VAV3: variants seen among roughly 807,000 people sequenced by gnomAD.
VAV3 encodes the protein guanine nucleotide exchange factor VAV3.
In VAV3, 94 loss-of-function variants were observed where a neutral mutation model predicts 131.2. The ratio of observed to expected loss-of-function variants is 0.72; its 90% CI spans 0.61 to 0.85. VAV3 has a LOEUF of 0.85. Ranked by LOEUF, VAV3 falls within the 40% of genes least tolerant of loss-of-function variation. The probability of loss-of-function intolerance (pLI) is 0.00; values close to 1 mark genes in which losing one functional copy is unlikely to be tolerated. For synonymous variants in VAV3, 349 were observed against 342.0 expected (o/e 1.02, Z -0.22); for missense variants, 939 against 1,002.7 (o/e 0.94, Z 0.86).
At chr1:107,623,654 T>C (rs893186800) in intron 20 of VAV3, among the ~76,000 whole-genome samples, 1 of 152,222 alleles carries the variant, frequency 6.6e-6, no homozygotes, top group African/African-American at 2.4e-5. Flanking sequence ...AGTGAACACT[T>C]TGAAAACTTG....
At chr1:107,960,434 C>T (rs1019774156) in intron 1 of VAV3, among the ~76,000 whole-genome samples, 4 of 151,654 alleles carry the variant, frequency 2.6e-5, no homozygotes, top group African/African-American at 9.7e-5. Flanking sequence ...CCACTGCACG[C>T]CAACTTGGGC....
At chr1:107,637,552 G>A (rs1655025112) in intron 20 of VAV3, among the ~76,000 whole-genome samples, 1 of 152,092 alleles carries the variant, frequency 6.6e-6, no homozygotes, top group South Asian at 2.1e-4. Flanking sequence ...GAACCTAGGA[G>A]GCAGAGGCTG....
At chr1:107,644,846 G>T (rs1316943729) in intron 19 of VAV3, among the ~76,000 whole-genome samples, 1 of 151,842 alleles carries the variant, frequency 6.6e-6, no homozygotes, top group Non-Finnish European at 1.5e-5. Context: ...TAGATGGACT[G>T]GAATGCCCAC....
intron 20 of VAV3, among the ~76,000 whole-genome samples, chr1:107,641,575 A>G (rs909687340): frequency 7.2e-5 from 11 of 152,206 alleles, no homozygotes; most frequent in Non-Finnish European, 1.5e-5. Flanking sequence ...CCACCGGCCA[A>G]GAGAGATTTC....
intron 26 of VAV3, among the ~76,000 whole-genome samples, chr1:107,573,828 C>G (rs1380142208): frequency 6.6e-6 from 1 of 152,304 alleles, no homozygotes; most frequent in South Asian, 2.1e-4. Context: ...CCCACTTGCC[C>G]AGGTGAATTT....
In VAV3 at chr1:107,627,952, A is replaced by T. The variant is rs72973675; in HGVS notation, c.1915-10320T>A. Among the ~76,000 whole-genome samples the T allele has an allele frequency of 4.6e-3, 698 of 152,278 alleles. 8 individuals carry two copies. The highest frequency in any genetic ancestry group is 0.016 in the African/African-American group (665 of 41,562). On this transcript the variant is annotated intron_variant, in intron 20 of 26. Coordinates refer to ENST00000370056, the MANE Select transcript of VAV3 (RefSeq NM_006113.5). ...TTTATTCTAGGAACTGAGATAAAGT[A>T]ATGAAACCCATAGCTTTTATATTTC...
At chr1:107,574,298 C>G (rs113783822) in intron 25 of VAV3, 100 bp from the exon 26 acceptor site, 4 of 1,432,708 alleles carry the variant, frequency 2.8e-6, no homozygotes, top group Non-Finnish European at 3.8e-6. Context: ...AATGCACAGT[C>G]GTGATTTCAT....
chr1:107,876,502 G>A (rs563977604), intron 1 of VAV3, among the ~76,000 whole-genome samples: 1 of 152,278 alleles, frequency 6.6e-6, no homozygotes, highest in East Asian at 1.9e-4. Flanking sequence ...TAACAAAGCA[G>A]AGAAGGACAG....
intron 2 of VAV3, among the ~76,000 whole-genome samples, chr1:107,786,838 C>A (rs975375136): frequency 1.3e-4 from 20 of 152,124 alleles, no homozygotes; most frequent in Non-Finnish European, 8.8e-5. Context: ...TAGCTGAATG[C>A]CTATACCCAG....
At chr1:107,783,317 G>T (rs1665798373) in intron 2 of VAV3, among the ~76,000 whole-genome samples, 1 of 152,174 alleles carries the variant, frequency 6.6e-6, no homozygotes, top group Middle Eastern at 3.2e-3. Flanking sequence ...GAACAGAGAA[G>T]GGGCCAGGAG....
intron 24 of VAV3, among the ~76,000 whole-genome samples, chr1:107,600,218 A>C (rs907720436): frequency 6.6e-6 from 1 of 152,180 alleles, no homozygotes; most frequent in Non-Finnish European, 1.5e-5. Flanking sequence ...AAATTTGCTC[A>C]ACAAATGAAC....
chr1:107,838,955 A>G (rs532658404), intron 2 of VAV3, among the ~76,000 whole-genome samples: 144 of 152,272 alleles, frequency 9.5e-4, no homozygotes, highest in African/African-American at 3.3e-3. Flanking sequence ...TAGAGCAAGG[A>G]GAGGAGAGAG....
intron 2 of VAV3, among the ~76,000 whole-genome samples, chr1:107,791,770 T>C (rs1666298904): frequency 6.6e-6 from 1 of 152,202 alleles, no homozygotes; most frequent in Non-Finnish European, 1.5e-5. Flanking sequence ...CTTGTTTTTT[T>C]CCATTCTTTA....
At chr1:107,796,804 A>C (rs74108928) in intron 2 of VAV3, among the ~76,000 whole-genome samples, 2 of 144,436 alleles carry the variant, frequency 1.4e-5, no homozygotes, top group African/African-American at 2.5e-5. Flanking sequence ...AAAAAAAAAA[A>C]ATATATATAT....
chr1:107,718,532 A>G (rs181543213), intron 15 of VAV3, among the ~76,000 whole-genome samples: 87 of 152,306 alleles, frequency 5.7e-4, no homozygotes, highest in Non-Finnish European at 1.2e-3. Flanking sequence ...GGAGAACTAC[A>G]AACCACTGCT....
chr1:107,842,731 T>C (rs1044926032), intron 2 of VAV3, among the ~76,000 whole-genome samples: 1 of 152,112 alleles, frequency 6.6e-6, no homozygotes, highest in Non-Finnish European at 1.5e-5. Context: ...GCATTTTAAT[T>C]TTTCTTCTTG....
At chr1:107,916,500 C>G (rs1571137518) in intron 1 of VAV3, among the ~76,000 whole-genome samples, 1 of 152,204 alleles carries the variant, frequency 6.6e-6, no homozygotes, top group Middle Eastern at 3.4e-3. Context: ...AGTTCCTTCT[C>G]TGTGTAAAAT....
At chr1:107,627,143 C>T (rs995103071) in intron 20 of VAV3, among the ~76,000 whole-genome samples, 4 of 152,220 alleles carry the variant, frequency 2.6e-5, no homozygotes, top group Middle Eastern at 3.4e-3. Flanking sequence ...CTGGGTTGTG[C>T]GTTATTGCAC....
intron 17 of VAV3, among the ~76,000 whole-genome samples, chr1:107,704,048 C>G (rs578123590): frequency 6.6e-6 from 1 of 152,190 alleles, no homozygotes; most frequent in Admixed American, 6.5e-5. Context: ...GATATATGCT[C>G]TTTTTTAAGT....
Sources: allele counts gnomAD v4.1 joint callset (sites outside exome capture counted in the v4.1 genomes callset), GRCh38; gene constraint gnomAD v4.1.1; transcripts MANE v1.5; gene names NCBI Gene and HGNC (gene_info 2026-07-23, HGNC 2026-07-21).